TMBIM4: variants seen among roughly 807,000 people sequenced by gnomAD.
TMBIM4 encodes the protein transmembrane BAX inhibitor motif containing 4.
Under a neutral mutation model 27.7 loss-of-function variants are expected in TMBIM4, and 28 were observed. The ratio of observed to expected loss-of-function variants is 1.01; its 90% CI spans 0.75 to 1.38. The LOEUF is 1.38. TMBIM4 is among the 40% of genes most tolerant of loss of function. The pLI is 0.00. For synonymous variants in TMBIM4, 115 were observed against 113.1 expected (o/e 1.02, Z -0.11); for missense variants, 265 against 277.5 (o/e 0.95, Z 0.32).
rs1218812176 is a variant in TMBIM4 at position 66,136,472 on chromosome 12, G to A, written c.*1488C>T. The A allele has an allele frequency of 6.5e-6, 1 of 154,316 alleles. No homozygotes were observed. The highest frequency in any genetic ancestry group is 1.5e-5 in the Non-Finnish European group (1 of 68,214). The allele number at this position is 154,316 out of a possible 1,614,324, so 9.6% of individuals were successfully genotyped here. On this transcript the variant is annotated 3_prime_UTR_variant, in exon 7 of 7. Transcript: ENST00000358230. Reference sequence around the variant, plus strand: ...GGGAAATACTTAGGGGGTGTTATGGGCTGAGTTGTAGTCCCCCCAAAATTC... The same window carrying A: ...GGGAAATACTTAGGGGGTGTTATGGACTGAGTTGTAGTCCCCCCAAAATTC...
intron 1 of TMBIM4, among the ~76,000 whole-genome samples, chr12:66,165,071 A>G (rs1046871063): frequency 6.6e-6 from 1 of 152,210 alleles, no homozygotes; most frequent in Admixed American, 6.5e-5. Flanking sequence ...AATTAAAGAC[A>G]AAAATAAATG....
intron 1 of TMBIM4, among the ~76,000 whole-genome samples, chr12:66,165,656 C>T (rs1168744): frequency 0.19 from 29,072 of 151,920 alleles, 4,677 homozygotes; most frequent in East Asian, 0.44. Context: ...GTCTTCTTAT[C>T]GTTTAGAGTT....
intron 3 of TMBIM4, among the ~76,000 whole-genome samples, chr12:66,149,217 G>A (rs143067295): frequency 6.6e-6 from 1 of 152,176 alleles, no homozygotes. Flanking sequence ...GAGGCAGGTG[G>A]ATTGCTTGAG....
intron 3 of TMBIM4, among the ~76,000 whole-genome samples, chr12:66,151,280 C>T (rs146458897): frequency 6.6e-6 from 1 of 152,326 alleles, no homozygotes; most frequent in African/African-American, 2.4e-5. Context: ...GTCACTCAGG[C>T]TGGAGTTTAG....
At chr12:66,159,367 C>T (rs1351450353) in intron 1 of TMBIM4, among the ~76,000 whole-genome samples, 1 of 152,094 alleles carries the variant, frequency 6.6e-6, no homozygotes, top group East Asian at 1.9e-4. Context: ...CTGAGGCCTC[C>T]AGTCAGTAGC....
chr12:66,152,034 T>C (rs898190181), intron 3 of TMBIM4, among the ~76,000 whole-genome samples: 1 of 152,142 alleles, frequency 6.6e-6, no homozygotes, highest in African/African-American at 2.4e-5. Context: ...CATAATCAGA[T>C]AGCAGCAAAG....
intron 1 of TMBIM4, among the ~76,000 whole-genome samples, chr12:66,157,057 T>C (rs1159123191): frequency 1.3e-5 from 2 of 152,082 alleles, no homozygotes; most frequent in East Asian, 3.9e-4. Flanking sequence ...AATAGCCCCC[T>C]CAATAAAATT....
chr12:66,154,822 A>C lies in TMBIM4; in HGVS notation c.98-1374T>G, dbSNP rs532817969. Among the ~76,000 whole-genome samples, 8 of 152,354 alleles carry C rather than the reference A, an allele frequency of 5.3e-5. 1 individual carries two copies. In the South Asian group the frequency reaches 1.7e-3, roughly 32 times the overall value. ...AATAAGGGAATTTTCATGAATACTA[A>C]GGATTTAATAATCAAAATGCCTAAA... On this transcript the variant is annotated intron_variant, in intron 1 of 6. Coordinates refer to ENST00000358230, the MANE Select transcript of TMBIM4 (RefSeq NM_016056.4).
chr12:66,138,070 G>GC lies in TMBIM4; in HGVS notation c.606dup (p.His203AlafsTer2). Reference sequence around the variant, plus strand: ...ACGTACTCTTCAGGTGACAGTTTATGCATCAGTGAGTGTGTGTCATAGATG... The same window carrying GC: ...ACGTACTCTTCAGGTGACAGTTTATGCCATCAGTGAGTGTGTGTCATAGATG... On this transcript the variant is annotated frameshift_variant, in exon 7 of 7. Transcript: ENST00000358230. LOFTEE classifies it high-confidence loss of function. 1 of 1,614,022 alleles carries GC rather than the reference G, an allele frequency of 6.2e-7. No homozygotes were observed. The highest frequency in any genetic ancestry group is 8.5e-7 in the Non-Finnish European group (1 of 1,179,964).
chr12:66,141,785 A>C (rs2051673013), intron 5 of TMBIM4, among the ~76,000 whole-genome samples: 1 of 152,196 alleles, frequency 6.6e-6, no homozygotes, highest in Non-Finnish European at 1.5e-5. Flanking sequence ...AGAGTACGTA[A>C]CAATCCTAAA....
At chr12:66,166,648 G>C (rs183373646) in intron 1 of TMBIM4, among the ~76,000 whole-genome samples, 1 of 152,194 alleles carries the variant, frequency 6.6e-6, no homozygotes, top group African/African-American at 2.4e-5. Context: ...ATCATCAAAT[G>C]CTGACGAGTA....
chr12:66,156,601 A>C (rs1185628), intron 1 of TMBIM4, among the ~76,000 whole-genome samples: 721 of 152,254 alleles, frequency 4.7e-3, no homozygotes, highest in Non-Finnish European at 8.2e-3. Context: ...AAACCATATC[A>C]TGTGACTCTG....
chr12:66,151,063 G>T (rs2051837188), intron 3 of TMBIM4, among the ~76,000 whole-genome samples: 1 of 152,120 alleles, frequency 6.6e-6, no homozygotes, highest in Non-Finnish European at 1.5e-5. Context: ...TGACAATCTT[G>T]CAAACAAAAG....
At chr12:66,138,847 A>C in intron 5 of TMBIM4, 78 bp from the exon 6 acceptor site, 1 of 1,366,254 alleles carries the variant, frequency 7.3e-7, no homozygotes, top group Non-Finnish European at 9.5e-7. Context: ...ACACTTTCTG[A>C]AAAAAACATC....
chr12:66,159,138 C>G (rs2051994296), intron 1 of TMBIM4, among the ~76,000 whole-genome samples: 1 of 152,196 alleles, frequency 6.6e-6, no homozygotes, highest in African/African-American at 2.4e-5. Flanking sequence ...AAGGTGGAAC[C>G]TAAATCCCCT....
In TMBIM4 at chr12:66,160,136, T is replaced by C. The variant is rs377331224; in HGVS notation, c.98-6688A>G. On this transcript the variant is annotated intron_variant, in intron 1 of 6. Transcript: ENST00000358230. ...TTGAGGAGCTGCAACAGATATCTTA[T>C]GGCCCAGAAAGCTGAGTATGTTTCT... 7.2e-6 allele frequency: 5 copies of C among 699,172 alleles called. No homozygotes were observed. In the East Asian group the frequency reaches 1.1e-4, roughly 15 times the overall value. 43.3% of individuals were successfully genotyped at this position (699,172 alleles called of 1,614,324 possible).
chr12:66,157,003 T>A (rs979925568), intron 1 of TMBIM4, among the ~76,000 whole-genome samples: 17 of 152,322 alleles, frequency 1.1e-4, no homozygotes, highest in African/African-American at 3.8e-4. Flanking sequence ...CAACCTTGTT[T>A]TCATTATTCC....
chr12:66,165,607 T>C (rs1367135771), intron 1 of TMBIM4, among the ~76,000 whole-genome samples: 1 of 152,140 alleles, frequency 6.6e-6, no homozygotes, highest in Non-Finnish European at 1.5e-5. Context: ...TAGTGGGGTA[T>C]GTGTTCAAGT....
chr12:66,150,924 T>C (rs1185683219), intron 3 of TMBIM4, among the ~76,000 whole-genome samples: 1 of 152,238 alleles, frequency 6.6e-6, no homozygotes, highest in African/African-American at 2.4e-5. Flanking sequence ...GAATTTCCTA[T>C]GATATCATCA....
Sources: gnomAD v4.1 joint callset for allele counts (sites outside exome capture counted in the v4.1 genomes callset) on GRCh38, gnomAD v4.1.1 for gene constraint, MANE v1.5 for transcripts, NCBI Gene and HGNC (gene_info 2026-07-23, HGNC 2026-07-21) for gene names.